TMEM17: variants seen among roughly 807,000 people sequenced by gnomAD.
TMEM17 encodes the protein transmembrane protein 17.
A neutral mutation model predicts 19.1 loss-of-function variants in TMEM17; 15 were observed. The ratio of observed to expected loss-of-function variants is 0.78; its 90% CI spans 0.52 to 1.21. TMEM17 has a LOEUF of 1.21. Ranked by LOEUF, TMEM17 falls within the 50% of genes most tolerant of loss-of-function variation. The pLI, the probability that TMEM17 is intolerant of heterozygous loss-of-function variation, is 0.00. For missense variants in TMEM17, 245 were observed against 242.3 expected (o/e 1.01, Z -0.07); for synonymous variants, 103 against 86.9 (o/e 1.19, Z -1.03).
chr2:62,461,841 A>G, the TMEM17 span, among the ~76,000 whole-genome samples: 2 of 152,240 alleles, frequency 1.3e-5, no homozygotes, highest in African/African-American at 2.4e-5. Flanking sequence ...ACTGCCTGTA[A>G]TGGCCGAGCT....
the TMEM17 span, among the ~76,000 whole-genome samples, chr2:62,468,272 G>A: frequency 1.3e-5 from 2 of 152,172 alleles, no homozygotes; most frequent in African/African-American, 4.8e-5. Flanking sequence ...AAGAGAGAAG[G>A]CCGTGTGTTC....
the TMEM17 span, among the ~76,000 whole-genome samples, chr2:62,466,517 G>A: frequency 6.6e-6 from 1 of 152,208 alleles, no homozygotes; most frequent in Non-Finnish European, 1.5e-5. Context: ...GGCCACATGA[G>A]GAGACAGAAA....
the TMEM17 span, among the ~76,000 whole-genome samples, chr2:62,495,010 G>T: frequency 1.3e-5 from 2 of 152,072 alleles, no homozygotes; most frequent in Admixed American, 1.3e-4. Flanking sequence ...GCGAGACTCC[G>T]TCTCAAAAAA....
the TMEM17 span, chr2:62,491,380 T>C: frequency 1.3e-5 from 2 of 151,652 alleles, no homozygotes; most frequent in Admixed American, 1.3e-4. Flanking sequence ...AGGTTGGAAA[T>C]GGAGCAGGTC....
At chr2:62,466,137 G>T in the TMEM17 span, among the ~76,000 whole-genome samples, 1 of 152,188 alleles carries the variant, frequency 6.6e-6, no homozygotes, top group African/African-American at 2.4e-5. Context: ...TGAGAGAGAG[G>T]AAACCTTCTG....
At chr2:62,484,116 T>C in the TMEM17 span, among the ~76,000 whole-genome samples, 6 of 152,276 alleles carry the variant, frequency 3.9e-5, no homozygotes, top group African/African-American at 1.2e-4. Context: ...AATTTCACTT[T>C]TATTGCATTT....
chr2:62,473,795 A>G, the TMEM17 span, among the ~76,000 whole-genome samples: 1 of 152,252 alleles, frequency 6.6e-6, no homozygotes, highest in African/African-American at 2.4e-5. Flanking sequence ...AATTTCCACA[A>G]GGGATCACAG....
At chr2:62,456,665 A>T in the TMEM17 span, among the ~76,000 whole-genome samples, 8 of 152,198 alleles carry the variant, frequency 5.3e-5, no homozygotes, top group African/African-American at 1.9e-4. Flanking sequence ...AACCTGTGAA[A>T]TGCACGTGGC....
the TMEM17 span, among the ~76,000 whole-genome samples, chr2:62,467,962 G>T: frequency 1.3e-5 from 2 of 150,924 alleles, no homozygotes; most frequent in East Asian, 1.9e-4. Context: ...GACTCAGGAC[G>T]TCTTTCAGAG....
At chr2:62,482,427 G>T in the TMEM17 span, among the ~76,000 whole-genome samples, 1 of 152,224 alleles carries the variant, frequency 6.6e-6, no homozygotes, top group African/African-American at 2.4e-5. Flanking sequence ...TGGAGACTGA[G>T]AAGTTGTAGT....
chr2:62,466,014 T>G, the TMEM17 span, among the ~76,000 whole-genome samples: 1 of 152,138 alleles, frequency 6.6e-6, no homozygotes, highest in Non-Finnish European at 1.5e-5. Flanking sequence ...AGTACCTTTG[T>G]TCAAAAGGGA....
the TMEM17 span, among the ~76,000 whole-genome samples, chr2:62,471,017 T>A: frequency 1.3e-5 from 2 of 152,170 alleles, no homozygotes; most frequent in Non-Finnish European, 2.9e-5. Context: ...ACCAAGGGAA[T>A]GTGAGCAATG....
At chr2:62,481,494 A>T in the TMEM17 span, among the ~76,000 whole-genome samples, 37 of 152,212 alleles carry the variant, frequency 2.4e-4, no homozygotes, top group African/African-American at 8.7e-4. Context: ...GAGAGTAGGC[A>T]TCCTTGTCTT....
chr2:62,457,827 C>G, the TMEM17 span, among the ~76,000 whole-genome samples: 1 of 152,172 alleles, frequency 6.6e-6, no homozygotes, highest in South Asian at 2.1e-4. The surrounding 1 kb of genome is among the most constrained non-coding windows in gnomAD (Gnocchi z 4.2). Flanking sequence ...CCTCAGCTAC[C>G]CTCACTGCTT....
At chr2:62,480,265 A>T in the TMEM17 span, among the ~76,000 whole-genome samples, 372 of 150,256 alleles carry the variant, frequency 2.5e-3, 3 homozygotes, top group Middle Eastern at 3.4e-3. Flanking sequence ...ATGAAAAAAA[A>T]TTTTTTTTTT....
downstream of TMEM17, among the ~76,000 whole-genome samples, chr2:62,498,445 G>T (rs370466632): frequency 2.0e-5 from 3 of 150,006 alleles, no homozygotes; most frequent in Admixed American, 6.6e-5. Flanking sequence ...GGCCGGGCGC[G>T]GTGGCTCACG....
chr2:62,493,649 T>G, the TMEM17 span, among the ~76,000 whole-genome samples: 1 of 152,202 alleles, frequency 6.6e-6, no homozygotes, highest in Non-Finnish European at 1.5e-5. Flanking sequence ...GGATCTGGCA[T>G]TTCAGCTTGT....
the TMEM17 span, among the ~76,000 whole-genome samples, chr2:62,460,298 C>A: frequency 1.3e-5 from 2 of 152,176 alleles, no homozygotes; most frequent in East Asian, 3.8e-4. Context: ...TTCCCTCCTC[C>A]CTTTGCAGCA....
chr2:62,482,265 CAT>C, the TMEM17 span, among the ~76,000 whole-genome samples: 1 of 152,236 alleles, frequency 6.6e-6, no homozygotes, highest in East Asian at 1.9e-4. Context: ...AAAGCCACCA[CAT>C]GTCCTAAACA....
Sources: gnomAD v4.1 joint callset for allele counts (sites outside exome capture counted in the v4.1 genomes callset) on GRCh38, gnomAD v4.1.1 for gene constraint, Gnocchi (gnomAD v3.1) non-coding constraint, MANE v1.5 for transcripts, NCBI Gene and HGNC (gene_info 2026-07-23, HGNC 2026-07-21) for gene names.